The following HADHA variants were observed in gnomAD, a reference collection of about 807,000 sequenced individuals.
HADHA encodes trifunctional enzyme subunit alpha, mitochondrial.
In HADHA, 59 loss-of-function variants were observed where a neutral mutation model predicts 91.3. The observed-to-expected ratio is 0.65, with a 90% CI of 0.52 to 0.80. The LOEUF (loss-of-function observed/expected upper bound fraction) is 0.80, where lower values mean the gene tolerates loss of function less well. HADHA is among the 30% of genes least tolerant of loss of function. The pLI, the probability that HADHA is intolerant of heterozygous loss-of-function variation, is 0.00. For synonymous variants in HADHA, 320 were observed against 338.9 expected (o/e 0.94, Z 0.61); for missense variants, 800 against 927.6 (o/e 0.86, Z 1.79).
At chr2:26,204,251 A>G (rs1308508735) in intron 11 of HADHA, 55 bp from the exon 12 acceptor site, 3 of 1,535,868 alleles carry the variant, frequency 2.0e-6, no homozygotes, top group African/African-American at 2.7e-5. Context: ...CATTTCAGTC[A>G]AAGTGGAAGA....
In HADHA at chr2:26,195,109, C is replaced by G; in HGVS notation, c.1603G>C (p.Val535Leu). The stretch of plus-strand genomic sequence containing the variant: ...CCCCTTACCTTAACCACAATGATGA[C>G]CTTCCCCTGCTTGAGACCAACTGCT... ...AVAVGLKQGK[V>L]IIVVKDGPGF... The change falls in exon 15 of 20, where the codon GTC (valine) becomes CTC (leucine). Residue 535 changes from valine to leucine, a missense_variant. Transcript: ENST00000380649. 1.2e-6 allele frequency: 2 copies of G among 1,613,590 alleles called. No homozygotes were observed. Among genetic ancestry groups the G allele is most frequent in the Non-Finnish European group, 8.5e-7 (1 of 1,179,590 alleles).
At chr2:26,222,090 G>T (rs953858874) in intron 7 of HADHA, among the ~76,000 whole-genome samples, 1 of 152,132 alleles carries the variant, frequency 6.6e-6, no homozygotes, top group Non-Finnish European at 1.5e-5. Context: ...GGCCTTTAAA[G>T]AAGCGATTAA....
chr2:26,191,583 C>G lies in HADHA; in HGVS notation c.2046G>C (p.Val682=). 1 of 1,614,094 alleles carries G rather than the reference C, an allele frequency of 6.2e-7. No individual in the cohort carries two copies. The highest frequency in any genetic ancestry group is 8.5e-7 in the Non-Finnish European group (1 of 1,179,956). Residue 682 remains valine (V), a synonymous_variant, in exon 19 of 20, where the codon GTG becomes GTC. Coordinates refer to ENST00000380649, the MANE Select transcript of HADHA (RefSeq NM_000182.5). ...CTTGCAGGCACATGACTGCCTCATT[C>G]ACAAATCTTGTCACCAGGCGGAACT... ...DIQFRLVTRF[V]NEAVMCLQEG...
At position 26,197,682 on chromosome 2, in the gene HADHA, C is replaced by T. The variant is rs761058783; in HGVS notation, c.1479+9G>A. ...AACATCTCAGGGTTTTTCTCTGTTC[C>T]GAGTTTACCTTCTCAGGTCTTTTGC... On this transcript the variant is annotated intron_variant, in intron 14 of 19. Coordinates refer to ENST00000380649, the MANE Select transcript of HADHA (RefSeq NM_000182.5). The T allele has an allele frequency of 1.2e-5, 15 of 1,275,144 alleles. No homozygotes were observed. The highest frequency in any genetic ancestry group is 7.3e-5 in the African/African-American group (5 of 68,592). 79.0% of individuals were successfully genotyped at this position (1,275,144 alleles called of 1,614,324 possible).
chr2:26,242,057 A>G (rs1470211652), intron 1 of HADHA, among the ~76,000 whole-genome samples: 1 of 151,974 alleles, frequency 6.6e-6, no homozygotes, highest in African/African-American at 2.4e-5. Context: ...GTGTGCCACC[A>G]CACCTGGCCA....
chr2:26,244,413 G>C (rs1351186095), intron 1 of HADHA, 117 bp downstream of exon 1: 7 of 1,020,542 alleles, frequency 6.9e-6, no homozygotes, highest in African/African-American at 3.2e-5. Context: ...TCCCCACAGA[G>C]GGCTGCGTCT....
intron 11 of HADHA, among the ~76,000 whole-genome samples, chr2:26,206,419 G>C (rs1260554393): frequency 1.3e-5 from 2 of 151,840 alleles, no homozygotes; most frequent in Non-Finnish European, 2.9e-5. Context: ...AGTAGAGATG[G>C]GGTTTCACCA....
chr2:26,194,439 C>T, intron 16 of HADHA, 131 bp downstream of exon 16: 1 of 731,812 alleles, frequency 1.4e-6, no homozygotes, highest in Non-Finnish European at 2.5e-6. Flanking sequence ...GAGAGGGCAC[C>T]AGGGACCTTC....
Position 26,204,153 on chromosome 2 carries a change from C to T in HADHA, c.1129G>A (p.Ala377Thr), listed in dbSNP as rs761474139. 13 of 1,613,596 alleles carry T rather than the reference C, an allele frequency of 8.1e-6. No individual in the cohort carries two copies. Among genetic ancestry groups the T allele is most frequent in the Admixed American group, 5.0e-5 (3 of 59,996 alleles). ...LGAGLMGAGIAQVSVDKGLKT... is the reference protein window; with the variant it reads ...LGAGLMGAGITQVSVDKGLKT... The stretch of plus-strand genomic sequence containing the variant: ...AGCCCCTTATCCACGGAGACTTGGG[C>T]GATGCCTGCTCCCATCAGCCCTGCA... Residue 377 changes from alanine to threonine, a missense_variant, in exon 12 of 20, where the codon GCC becomes ACC. Transcript: ENST00000380649.
At chr2:26,216,661 A>G (rs1370761954) in intron 7 of HADHA, among the ~76,000 whole-genome samples, 1 of 152,090 alleles carries the variant, frequency 6.6e-6, no homozygotes, top group African/African-American at 2.4e-5. Context: ...AGGAGGAATA[A>G]TAACTAAGCC....
At chr2:26,209,740 G>A (rs372635243) in intron 11 of HADHA, 40 bp downstream of exon 11, 6 of 985,240 alleles carry the variant, frequency 6.1e-6, no homozygotes, top group Admixed American at 5.1e-5. Flanking sequence ...TTTGCACACA[G>A]TAAAATTCAC....
intron 7 of HADHA, among the ~76,000 whole-genome samples, chr2:26,228,659 A>C (rs966462627): frequency 6.6e-6 from 1 of 152,102 alleles, no homozygotes; most frequent in African/African-American, 2.4e-5. Context: ...AACAAACTAC[A>C]TACCAGAAAT....
intron 4 of HADHA, among the ~76,000 whole-genome samples, chr2:26,234,652 G>C (rs1670704107): frequency 6.6e-6 from 1 of 151,794 alleles, no homozygotes; most frequent in African/African-American, 2.4e-5. Context: ...TGTAGTCCCA[G>C]CTACTTGGGA....
At chr2:26,196,119 C>T (rs956245572) in intron 14 of HADHA, among the ~76,000 whole-genome samples, 5 of 152,206 alleles carry the variant, frequency 3.3e-5, no homozygotes, top group African/African-American at 9.7e-5. Context: ...TAATCCATTA[C>T]AACCCTATGA....
At position 26,239,373 on chromosome 2, in the gene HADHA, C is replaced by T. The variant is rs572905206; in HGVS notation, c.68-230G>A. 1.4e-4 allele frequency among the ~76,000 whole-genome samples: 21 copies of T among 152,228 alleles called. 1 individual carries two copies. In the South Asian group the frequency reaches 3.9e-3, roughly 29 times the overall value. On this transcript the variant is annotated intron_variant, in intron 1 of 19. Transcript: ENST00000380649. The stretch of plus-strand genomic sequence containing the variant: ...GGCCCCCACAAAGGGATATACATCC[C>T]CAGAACCTGTGAATATGTTAGGTTA...
intron 6 of HADHA, among the ~76,000 whole-genome samples, chr2:26,230,864 T>G (rs1430289744): frequency 6.6e-6 from 1 of 152,100 alleles, no homozygotes. Context: ...GAGGTTGCAG[T>G]GAGCCGAGAT....
rs150165409 is a variant in HADHA at position 26,195,645 on chromosome 2, A to G, written c.1480-413T>C. Reference sequence around the variant, plus strand: ...AATTAATGTGTTGGGCTGTCAGAGAAGTATTTGCATTTTACACAGATGGGT... The same window carrying G: ...AATTAATGTGTTGGGCTGTCAGAGAGGTATTTGCATTTTACACAGATGGGT... On this transcript the variant is annotated intron_variant, in intron 14 of 19. Coordinates refer to ENST00000380649, the MANE Select transcript of HADHA (RefSeq NM_000182.5). 2.0e-4 allele frequency among the ~76,000 whole-genome samples: 30 copies of G among 152,212 alleles called. No individual in the cohort carries two copies. The East Asian group carries it at 5.6e-3, about 28-fold the overall frequency.
At chr2:26,225,744 A>T (rs1670471086) in intron 7 of HADHA, among the ~76,000 whole-genome samples, 1 of 152,182 alleles carries the variant, frequency 6.6e-6, no homozygotes, top group South Asian at 2.1e-4. Flanking sequence ...TACAACTAAC[A>T]TCATACTTAA....
chr2:26,236,999 GA>G lies in HADHA; in HGVS notation c.181-12del, dbSNP rs1401864387. 1.3e-6 allele frequency: 2 copies of G among 1,593,654 alleles called. No homozygotes were observed. The highest frequency in any genetic ancestry group is 1.7e-6 in the Non-Finnish European group (2 of 1,161,512). On this transcript the variant is annotated splice_polypyrimidine_tract_variant and intron_variant, in intron 3 of 19. Transcript: ENST00000380649. ...ACTCAGTGTATTTACCTGCCAAAGGGAAATATATACAGGTAAGGGTTTAAAT... is the reference window on the plus strand; with the variant it reads ...ACTCAGTGTATTTACCTGCCAAAGGGAATATATACAGGTAAGGGTTTAAAT...
Sources: gnomAD v4.1 joint callset for allele counts (sites outside exome capture counted in the v4.1 genomes callset) on GRCh38, gnomAD v4.1.1 for gene constraint, MANE v1.5 for transcripts, NCBI Gene and HGNC (gene_info 2026-07-23, HGNC 2026-07-21) for gene names.